Variants in REEP3 observed in about 807,000 individuals in gnomAD.
REEP3 encodes receptor expression-enhancing protein 3.
Under a neutral mutation model 41.3 loss-of-function variants are expected in REEP3, and 20 were observed. The ratio of observed to expected loss-of-function variants is 0.48; its 90% CI spans 0.34 to 0.70. REEP3 has a LOEUF of 0.70. Ranked by LOEUF, REEP3 falls within the 30% of genes least tolerant of loss-of-function variation. REEP3 has a pLI of 0.01. For missense variants in REEP3, 271 were observed against 308.8 expected (o/e 0.88, Z 0.92); for synonymous variants, 104 against 101.8 (o/e 1.02, Z -0.13).
rs182785190 is a variant in REEP3, at chr10:63,618,494, G to A, written c.566-1161G>A. Among the ~76,000 whole-genome samples the A allele has an allele frequency of 6.2e-3, 937 of 151,240 alleles. 3 individuals carry two copies. The highest frequency in any genetic ancestry group is 0.011 in the Non-Finnish European group (766 of 67,754). On this transcript the variant is annotated intron_variant, in intron 6 of 7. Coordinates refer to ENST00000373758, the MANE Select transcript of REEP3 (RefSeq NM_001001330.3). Reference sequence around the variant, plus strand: ...GATCTCCTGACCTCATGATCCACCCGCCTGGGCCTCCCAAAGTGCTGGGAT... The same window carrying A: ...GATCTCCTGACCTCATGATCCACCCACCTGGGCCTCCCAAAGTGCTGGGAT...
chr10:63,571,293 G>T (rs1022439123), intron 2 of REEP3, among the ~76,000 whole-genome samples: 1 of 151,994 alleles, frequency 6.6e-6, no homozygotes, highest in Admixed American at 6.6e-5. Context: ...ACTCTTATTG[G>T]CTTAGAACAA....
chr10:63,542,658 A>C (rs140551701), intron 1 of REEP3, among the ~76,000 whole-genome samples: 2 of 152,294 alleles, frequency 1.3e-5, no homozygotes, highest in East Asian at 3.9e-4. Context: ...AGTATTTCAG[A>C]CTCGCAACCC....
At chr10:63,569,490 T>TA (rs1955834118) in intron 2 of REEP3, among the ~76,000 whole-genome samples, 1 of 151,148 alleles carries the variant, frequency 6.6e-6, no homozygotes, top group African/African-American at 2.4e-5. Context: ...TTTTTTTTTT[T>TA]AGGAAAAGAA....
At chr10:63,580,462 A>T (rs1746036717) in intron 2 of REEP3, among the ~76,000 whole-genome samples, 1 of 152,196 alleles carries the variant, frequency 6.6e-6, no homozygotes, top group Admixed American at 6.6e-5. Context: ...GACTATTTTG[A>T]AAAGGAAGGA....
chr10:63,556,805 T>G (rs1361546541), intron 1 of REEP3, among the ~76,000 whole-genome samples: 1 of 149,982 alleles, frequency 6.7e-6, no homozygotes, highest in Non-Finnish European at 1.5e-5. Context: ...CCGGCTAATT[T>G]TTTGTATTTT....
chr10:63,619,720 G>C lies in REEP3; in HGVS notation c.631G>C (p.Asp211His). 2 of 1,607,914 alleles carry C rather than the reference G, an allele frequency of 1.2e-6. No individual in the cohort carries two copies. Residue 211 changes from aspartate to histidine, a missense_variant, in exon 7 of 8, where the codon GAT (aspartate) becomes CAT (histidine). By Grantham distance (81) the Asp-to-His change is moderately conservative (BLOSUM62 -1). Coordinates refer to ENST00000373758, the MANE Select transcript of REEP3 (RefSeq NM_001001330.3). ...TDEEAEGPYS[D>H]NEMLTHKGLR... ...TGAAGAAGCAGAGGGGCCATATTCA[G>C]ATAATGAGATGTTAACACACAAAGG...
At chr10:63,541,492 A>G (rs1415762248) in intron 1 of REEP3, among the ~76,000 whole-genome samples, 4 of 152,340 alleles carry the variant, frequency 2.6e-5, no homozygotes, top group African/African-American at 4.8e-5. Flanking sequence ...CATCTATTCT[A>G]TATTAGGACA....
At position 63,521,475 on chromosome 10, in the gene REEP3, G is replaced by T; in HGVS notation, c.-71G>T. ...GAGGAGCCGGCGAAGCGCGCGGCCT[G>T]CCGTTGGCGGCCTGGTCCGCAGCGC... is the stretch of plus-strand genomic sequence containing the variant. On this transcript the variant is annotated 5_prime_UTR_variant, in exon 1 of 8. Transcript: ENST00000373758. 1 of 1,082,234 alleles carries T rather than the reference G, an allele frequency of 9.2e-7. No homozygotes were observed. The allele number at this position is 1,082,234 out of a possible 1,614,324, so 67.0% of individuals were successfully genotyped here. A position where few individuals can be genotyped will look rare whatever the true frequency, so the allele number is the denominator to read the frequency against.
At chr10:63,619,245 A>G (rs1174323967) in intron 6 of REEP3, among the ~76,000 whole-genome samples, 1 of 152,254 alleles carries the variant, frequency 6.6e-6, no homozygotes, top group Admixed American at 6.5e-5. Context: ...TCCTAATTCA[A>G]GGCAAAAGTG....
intron 3 of REEP3, 103 bp from the exon 4 acceptor site, chr10:63,597,917 AAAAC>A: frequency 2.9e-6 from 3 of 1,039,346 alleles, no homozygotes; most frequent in Non-Finnish European, 4.1e-6. Context: ...CAAAAAAAAA[AAAAC>A]AAAAAACAGC....
At chr10:63,535,948 A>G (rs2133345457) in intron 1 of REEP3, among the ~76,000 whole-genome samples, 1 of 152,332 alleles carries the variant, frequency 6.6e-6, no homozygotes, top group South Asian at 2.1e-4. Flanking sequence ...AGACCCTACA[A>G]CAAACCATAG....
intron 1 of REEP3, among the ~76,000 whole-genome samples, chr10:63,534,382 C>T (rs77326910): frequency 0.013 from 2,020 of 152,176 alleles, 30 homozygotes; most frequent in African/African-American, 0.034. Flanking sequence ...TCCTAAGTAG[C>T]TAGAACTATA....
chr10:63,583,049 G>A (rs1314801557), intron 2 of REEP3, among the ~76,000 whole-genome samples: 6 of 151,948 alleles, frequency 3.9e-5, no homozygotes, highest in Non-Finnish European at 7.4e-5. Context: ...GCAGTGGCAC[G>A]ATCTCAGCTC....
At chr10:63,596,396 G>C (rs762482068) in intron 3 of REEP3, among the ~76,000 whole-genome samples, 2 of 149,408 alleles carry the variant, frequency 1.3e-5, no homozygotes, top group Non-Finnish European at 3.0e-5. Flanking sequence ...GCCTATATAT[G>C]TTATTTAAAA....
At chr10:63,614,839 A>C (rs1956300764) in intron 6 of REEP3, among the ~76,000 whole-genome samples, 1 of 152,234 alleles carries the variant, frequency 6.6e-6, no homozygotes, top group Non-Finnish European at 1.5e-5. Context: ...TCTGGCAGTA[A>C]TCATCATAAT....
chr10:63,568,469 G>A (rs906912928), intron 2 of REEP3, among the ~76,000 whole-genome samples: 8 of 151,560 alleles, frequency 5.3e-5, no homozygotes, highest in South Asian at 2.1e-4. Flanking sequence ...GGGTTTCACC[G>A]TATTAGCCAG....
chr10:63,579,172 C>T lies in REEP3; in HGVS notation c.105+12762C>T, dbSNP rs528653767. ...TCAGCCTCCCGAGTAGCTAGGTTTA[C>T]GGTCACCCACCACCACGCCCAGATA... On this transcript the variant is annotated intron_variant, in intron 2 of 7. Transcript: ENST00000373758. Among the ~76,000 whole-genome samples the T allele has an allele frequency of 1.8e-3, 277 of 152,048 alleles. 2 individuals are homozygous for T. The highest frequency in any genetic ancestry group is 6.4e-3 in the African/African-American group (267 of 41,452).
intron 1 of REEP3, among the ~76,000 whole-genome samples, chr10:63,540,589 C>G (rs981022019): frequency 6.6e-6 from 1 of 152,134 alleles, no homozygotes; most frequent in Admixed American, 6.5e-5. Context: ...AGCAGAAAGA[C>G]AGATGCTTTT....
chr10:63,580,758 C>T (rs992502573), intron 2 of REEP3, among the ~76,000 whole-genome samples: 1 of 152,164 alleles, frequency 6.6e-6, no homozygotes, highest in African/African-American at 2.4e-5. Context: ...ATGGCTCATG[C>T]CCGTAATCCC....
Sources: gnomAD v4.1 joint callset for allele counts (sites outside exome capture counted in the v4.1 genomes callset) on GRCh38, gnomAD v4.1.1 for gene constraint, MANE v1.5 for transcripts, NCBI Gene and HGNC (gene_info 2026-07-23, HGNC 2026-07-21) for gene names.